HERC1: variants seen among roughly 807,000 people sequenced by gnomAD.
HERC1 encodes the protein probable E3 ubiquitin-protein ligase HERC1.
A neutral mutation model predicts 554.3 loss-of-function variants in HERC1; 160 were observed. That is an observed-to-expected ratio of 0.29 (90% confidence interval 0.25 to 0.33). The LOEUF is 0.33. HERC1 is among the 10% of genes least tolerant of loss of function. The probability of loss-of-function intolerance (pLI) is 1.00; values close to 1 mark genes in which losing one functional copy is unlikely to be tolerated. For synonymous variants in HERC1, 2,175 were observed against 2,131.7 expected (o/e 1.02, Z -0.56); for missense variants, 4,919 against 5,918.5 (o/e 0.83, Z 5.54).
chr15:63,714,637 C>T lies in HERC1; in HGVS notation c.4151-972G>A, dbSNP rs191234531. ...CGATCTCGGCTCACTGCAACCTCCA[C>T]CCCCAGGTTCAAGCGATTCTCCTGC... On this transcript the variant is annotated intron_variant, in intron 22 of 77. Transcript: ENST00000443617. Among the ~76,000 whole-genome samples, 1,095 of 150,552 alleles carry T rather than the reference C, an allele frequency of 7.3e-3. 13 individuals are homozygous for T. The highest frequency in any genetic ancestry group is 0.026 in the African/African-American group (1,050 of 40,914).
intron 66 of HERC1, 54 bp downstream of exon 66, chr15:63,634,679 A>G: frequency 2.0e-6 from 3 of 1,495,900 alleles, no homozygotes; most frequent in Non-Finnish European, 2.7e-6. Flanking sequence ...AAGCGAACAC[A>G]GAAGAAATGA....
chr15:63,760,210 C>A (rs529817383), intron 3 of HERC1, among the ~76,000 whole-genome samples: 2 of 151,652 alleles, frequency 1.3e-5, no homozygotes, highest in East Asian at 3.9e-4. Context: ...TGGAAAACGA[C>A]TTTTTTTTAA....
intron 1 of HERC1, among the ~76,000 whole-genome samples, chr15:63,829,664 C>A (rs927515576): frequency 6.9e-6 from 1 of 145,764 alleles, no homozygotes; most frequent in South Asian, 2.2e-4. Context: ...ATAAACATAC[C>A]GAGTATACAG....
chr15:63,615,966 C>A (rs1405821326), intron 75 of HERC1, 46 bp from the exon 76 acceptor site: 3 of 1,465,648 alleles, frequency 2.0e-6, no homozygotes, highest in Admixed American at 2.5e-5. Context: ...GTAGAAATGA[C>A]AGCAAAAAGT....
At chr15:63,795,383 T>C (rs1302161361) in intron 1 of HERC1, among the ~76,000 whole-genome samples, 2 of 152,226 alleles carry the variant, frequency 1.3e-5, no homozygotes, top group East Asian at 3.9e-4. Context: ...CAGAAATGTG[T>C]ATGAGAGATG....
At chr15:63,767,884 T>A (rs946370034) in intron 2 of HERC1, among the ~76,000 whole-genome samples, 8 of 152,214 alleles carry the variant, frequency 5.3e-5, no homozygotes, top group African/African-American at 1.7e-4. Context: ...ACCACTCTCC[T>A]CACCCCAGCA....
At chr15:63,813,213 G>A (rs1301538258) in intron 1 of HERC1, among the ~76,000 whole-genome samples, 1 of 152,034 alleles carries the variant, frequency 6.6e-6, no homozygotes, top group Non-Finnish European at 1.5e-5. Flanking sequence ...ATCTACAGGT[G>A]GTTTCTCAAG....
At chr15:63,827,128 C>G (rs1217731741) in intron 1 of HERC1, among the ~76,000 whole-genome samples, 1 of 152,008 alleles carries the variant, frequency 6.6e-6, no homozygotes, top group Non-Finnish European at 1.5e-5. Flanking sequence ...CAAGTCACAG[C>G]TGTAAAAAAG....
intron 40 of HERC1, among the ~76,000 whole-genome samples, chr15:63,668,634 A>G (rs547073165): frequency 2.0e-5 from 3 of 152,344 alleles, no homozygotes; most frequent in Non-Finnish European, 4.4e-5. Context: ...AGGAGTGGCT[A>G]TAACATCAGA....
In HERC1 at chr15:63,675,105, A is replaced by G; in HGVS notation, c.7083T>C (p.Phe2361=). 6.3e-7 allele frequency: 1 copy of G among 1,584,242 alleles called. No homozygotes were observed. Among genetic ancestry groups the G allele is most frequent in the Non-Finnish European group, 8.6e-7 (1 of 1,163,464 alleles). Residue 2361 remains phenylalanine (F), a synonymous_variant, in exon 38 of 78, where the codon TTT becomes TTC. Transcript: ENST00000443617. ...EAEITISFPT[F]WSPSDTPLYN... is the part of the protein sequence containing the mutation. ...ACAATGGAGTATCACTAGGCGACCA[A>G]AAAGTTGGGAAGCTTTAATAAAGAT...
intron 1 of HERC1, among the ~76,000 whole-genome samples, chr15:63,800,941 G>C (rs1484153776): frequency 6.6e-6 from 1 of 152,160 alleles, no homozygotes; most frequent in South Asian, 2.1e-4. Context: ...CCTCAAGGGA[G>C]AGGAAAAGGG....
At chr15:63,645,747 G>T in intron 55 of HERC1, 65 bp from the exon 56 acceptor site, 2 of 869,220 alleles carry the variant, frequency 2.3e-6, no homozygotes, top group Non-Finnish European at 3.5e-6. Context: ...TTTAAATTCA[G>T]TAATACATAA....
Position 63,775,858 on chromosome 15 carries a change from T to A in HERC1, c.-26-209A>T, listed in dbSNP as rs577083012. On this transcript the variant is annotated intron_variant, in intron 1 of 77. Coordinates refer to ENST00000443617, the MANE Select transcript of HERC1 (RefSeq NM_003922.4). This position sits in a 1 kb window ranked among gnomAD's most constrained non-coding sequence, Gnocchi z 4.0. ...TTCAAGACGAGCCTGGCCAACATTA[T>A]GAAACCCCATCTCTACTAAAAATAC... Among the ~76,000 whole-genome samples the A allele has an allele frequency of 4.4e-4, 67 of 152,132 alleles. No homozygotes were observed. The highest frequency in any genetic ancestry group is 4.3e-3 in the Admixed American group (65 of 15,272).
rs767735973 is a variant in HERC1, at chr15:63,645,633, G to A, written c.10928C>T (p.Thr3643Ile). ...TTTCACACTGTCTTCTTTGGCACATGTCATAAGAATATGACCTGTAGGGTC... is the reference window on the plus strand; with the variant it reads ...TTTCACACTGTCTTCTTTGGCACATATCATAAGAATATGACCTGTAGGGTC... The part of the protein sequence containing the change: ...KWDPTGHILM[T>I]CAKEDSVKLW... The change falls in exon 56 of 78, where the codon ACA (threonine) becomes ATA (isoleucine). Residue 3643 changes from threonine to isoleucine, a missense_variant. Transcript: ENST00000443617. 2 of 1,610,956 alleles carry A rather than the reference G, an allele frequency of 1.2e-6. No homozygotes were observed. Among genetic ancestry groups the A allele is most frequent in the Non-Finnish European group, 1.7e-6 (2 of 1,178,506 alleles).
chr15:63,749,694 A>G lies in HERC1; in HGVS notation c.2000T>C (p.Ile667Thr). The G allele has an allele frequency of 6.3e-7, 1 of 1,593,882 alleles. No individual in the cohort carries two copies. Among genetic ancestry groups the G allele is most frequent in the Non-Finnish European group, 8.6e-7 (1 of 1,169,272 alleles). ...ACTGTCTCCAATAGAAACATCAACTATTCTTGTGGCAGCCAGTTCTTCAAT... is the reference window on the plus strand; with the variant it reads ...ACTGTCTCCAATAGAAACATCAACTGTTCTTGTGGCAGCCAGTTCTTCAAT... ...KLIEELAATRIVDVSIGDSHC... is the reference protein window; with the variant it reads ...KLIEELAATRTVDVSIGDSHC... Residue 667 changes from isoleucine to threonine, a missense_variant, in exon 9 of 78, where the codon ATA becomes ACA. Physicochemically the swap from Ile to Thr is moderately conservative, Grantham distance 89. Around this residue, in one of 11 missense-constraint regions of HERC1, gnomAD observed 744 missense variants for 1,090.0 expected, o/e 0.68. Coordinates refer to ENST00000443617, the MANE Select transcript of HERC1 (RefSeq NM_003922.4). The surrounding 1 kb of genome is among the most constrained non-coding windows in gnomAD (Gnocchi z 4.1).
intron 12 of HERC1, among the ~76,000 whole-genome samples, chr15:63,737,506 C>CTCTCTCTTTT (rs2074583271): frequency 4.1e-5 from 2 of 49,052 alleles, no homozygotes; most frequent in Admixed American, 2.6e-4. Flanking sequence ...ATATATATAT[C>CTCTCTCTTTT]TTTTTTCCAG....
chr15:63,687,088 G>A (rs955725270), intron 33 of HERC1, among the ~76,000 whole-genome samples: 2 of 143,310 alleles, frequency 1.4e-5, no homozygotes, highest in East Asian at 4.3e-4. Flanking sequence ...CATATTGTTT[G>A]AATTTTACTC....
intron 48 of HERC1, among the ~76,000 whole-genome samples, chr15:63,657,527 T>G (rs189774357): frequency 6.6e-6 from 1 of 152,288 alleles, no homozygotes. Flanking sequence ...CTTTACACAT[T>G]CTGTTGGTTA....
At chr15:63,710,768 T>C (rs1305138523) in intron 24 of HERC1, among the ~76,000 whole-genome samples, 1 of 152,138 alleles carries the variant, frequency 6.6e-6, no homozygotes, top group Non-Finnish European at 1.5e-5. Context: ...GAGAGGGAGT[T>C]AGCCATGCAG....
Sources: gnomAD v4.1 joint callset for allele counts (sites outside exome capture counted in the v4.1 genomes callset) on GRCh38, gnomAD v4.1.1 for gene constraint, gnomAD v4.1.1 regional missense constraint, Gnocchi (gnomAD v3.1) non-coding constraint, MANE v1.5 for transcripts, NCBI Gene and HGNC (gene_info 2026-07-23, HGNC 2026-07-21) for gene names.